Variants in NEK9 observed in about 807,000 individuals in gnomAD.
The protein encoded by NEK9 is serine/threonine-protein kinase Nek9.
NEK9 carries 75 observed loss-of-function variants against 123.4 expected under a neutral mutation model. That is an observed-to-expected ratio of 0.61 (90% CI 0.50 to 0.74). The LOEUF (loss-of-function observed/expected upper bound fraction) is 0.74. Ranked by LOEUF, NEK9 falls within the 30% of genes least tolerant of loss-of-function variation. The pLI, the probability that NEK9 is intolerant of heterozygous loss-of-function variation, is 0.00. For synonymous variants in NEK9, 438 were observed against 458.7 expected, an observed-to-expected ratio of 0.95 and a Z score of 0.58; for missense variants, 952 against 1,214.4, an observed-to-expected ratio of 0.78 and a Z score of 3.21.
intron 1 of NEK9, among the ~76,000 whole-genome samples, chr14:75,126,320 G>A (rs1290710895): frequency 6.6e-6 from 1 of 151,916 alleles, no homozygotes; most frequent in African/African-American, 2.4e-5. Flanking sequence ...CAGCATGAGA[G>A]GAAGGAAGTT....
rs1893890356 is a variant in NEK9, at chr14:75,082,355, C to G, written c.*2209G>C. On this transcript the variant is annotated 3_prime_UTR_variant, in exon 22 of 22. Transcript: ENST00000238616. ...AGAGAATTAGCTACAGAAAACCATTCAAAGGCATTTCTACTGCCTCATCTT... is the reference window on the plus strand; with the variant it reads ...AGAGAATTAGCTACAGAAAACCATTGAAAGGCATTTCTACTGCCTCATCTT... The G allele has an allele frequency of 6.6e-6, 1 of 152,146 alleles. No individual in the cohort carries two copies. Among genetic ancestry groups the G allele is most frequent in the South Asian group, 2.1e-4 (1 of 4,824 alleles). 9.4% of individuals were successfully genotyped at this position (152,146 alleles called of 1,614,324 possible).
intron 8 of NEK9, among the ~76,000 whole-genome samples, chr14:75,111,056 T>A (rs1265158802): frequency 6.6e-6 from 1 of 152,202 alleles, no homozygotes; most frequent in African/African-American, 2.4e-5. Context: ...ATACTAATAT[T>A]GCCAAATAAC....
chr14:75,117,236 T>C lies in NEK9; in HGVS notation c.721A>G (p.Ile241Val). The C allele has an allele frequency of 6.2e-7, 1 of 1,614,058 alleles. No individual in the cohort carries two copies. Among genetic ancestry groups the C allele is most frequent in the Non-Finnish European group, 8.5e-7 (1 of 1,180,006 alleles). ...KSDIWAVGCV[I>V]FELLTLKRTF... ...CTCTTTAAGGTAAGCAGTTCAAAAA[T>C]GACGCAGCCAACTGCCCAGATATCA... Residue 241 changes from isoleucine (I) to valine (V), a missense_variant, in exon 6 of 22, where the codon ATT becomes GTT. Ile to Val is a conservative substitution (Grantham distance 29, BLOSUM62 3). Coordinates refer to ENST00000238616, the MANE Select transcript of NEK9 (RefSeq NM_033116.6).
intron 14 of NEK9, among the ~76,000 whole-genome samples, chr14:75,103,024 C>T (rs1894640166): frequency 6.6e-6 from 1 of 151,132 alleles, no homozygotes; most frequent in African/African-American, 2.4e-5. Context: ...AGGGGAACAT[C>T]ACACACCGGG....
intron 14 of NEK9, 33 bp from the exon 15 acceptor site, chr14:75,101,798 G>A: frequency 1.3e-6 from 2 of 1,487,338 alleles, no homozygotes; most frequent in Non-Finnish European, 1.9e-6. Flanking sequence ...GCAGATGCAT[G>A]AGGTAAGAAA....
At chr14:75,113,849 C>T (rs1036171269) in intron 7 of NEK9, among the ~76,000 whole-genome samples, 20 of 152,108 alleles carry the variant, frequency 1.3e-4, no homozygotes, top group African/African-American at 3.6e-4. Context: ...GCAAGGGAAC[C>T]ATGAGATATG....
In NEK9 at chr14:75,098,119, A is replaced by G. The variant is rs117404695; in HGVS notation, c.2003-849T>C. ...GGATGGAAGCAGGGAGACCAGTTGT[A>G]GTGGAGATGGTGAGAAGTGGTTGGA... On this transcript the variant is annotated intron_variant, in intron 16 of 21. Transcript: ENST00000238616. Among the ~76,000 whole-genome samples, 159 of 152,308 alleles carry G rather than the reference A, an allele frequency of 1.0e-3. 5 individuals carry two copies. In the East Asian group the frequency reaches 0.029, roughly 28 times the overall value.
chr14:75,101,701 A>C lies in NEK9; in HGVS notation c.1796T>G (p.Ile599Ser), dbSNP rs1008256150. 1.2e-6 allele frequency: 2 copies of C among 1,614,028 alleles called. No individual in the cohort carries two copies. Among genetic ancestry groups the C allele is most frequent in the African/African-American group, 1.3e-5 (1 of 74,934 alleles). Reference protein sequence around the residue: ...TLAKQLSFYKIRTIAPGKTHT... With the variant: ...TLAKQLSFYKSRTIAPGKTHT... The stretch of plus-strand genomic sequence containing the variant: ...AGTCTTGCCTGGGGCAATGGTACGG[A>C]TCTTATAAAAGGACAACTGTTTGGC... Residue 599 changes from isoleucine to serine, a missense_variant, in exon 15 of 22, where the codon ATC becomes AGC. Coordinates refer to ENST00000238616, the MANE Select transcript of NEK9 (RefSeq NM_033116.6).
chr14:75,086,457 A>C (rs1894026796), intron 21 of NEK9: 1 of 154,044 alleles, frequency 6.5e-6, no homozygotes, highest in Non-Finnish European at 1.4e-5. Flanking sequence ...GTGGTTGTTC[A>C]GGAGAATGTC....
intron 9 of NEK9, 25 bp from the exon 10 acceptor site, chr14:75,109,902 G>T: frequency 6.4e-7 from 1 of 1,572,290 alleles, no homozygotes; most frequent in South Asian, 1.2e-5. Context: ...CAGAACAAAG[G>T]AACATTTAAC....
Position 75,091,344 on chromosome 14 carries a change from C to T in NEK9, c.2368G>A (p.Gly790Ser), listed in dbSNP as rs915655975. ...ATGGCCTCTGTGGGACTGATTAAAC[C>T]TTCCATTCCTCGGTCTGCTTCCATT... ...GTMEADRGME[G>S]LISPTEAMGN... The change falls in exon 19 of 22, where the codon GGT (glycine) becomes AGT (serine). Residue 790 changes from glycine (G) to serine (S), a missense_variant. Gly to Ser is a moderately conservative substitution (Grantham distance 56, BLOSUM62 0). Transcript: ENST00000238616. The T allele has an allele frequency of 1.2e-6, 2 of 1,614,116 alleles. No homozygotes were observed. The highest frequency in any genetic ancestry group is 3.3e-5 in the Admixed American group (2 of 60,004).
intron 15 of NEK9, 46 bp downstream of exon 15, chr14:75,101,611 G>C (rs1894581558): frequency 7.6e-7 from 1 of 1,312,726 alleles, no homozygotes. Flanking sequence ...TAGAATAAAA[G>C]AGGCTCAGCT....
intron 16 of NEK9, among the ~76,000 whole-genome samples, chr14:75,097,588 G>A (rs888484377): frequency 2.6e-5 from 4 of 152,178 alleles, no homozygotes; most frequent in Non-Finnish European, 4.4e-5. Flanking sequence ...GGGTGATAGA[G>A]CAGTGAACAA....
chr14:75,115,406 C>A (rs149985423), intron 6 of NEK9, among the ~76,000 whole-genome samples: 1 of 152,090 alleles, frequency 6.6e-6, no homozygotes, highest in Non-Finnish European at 1.5e-5. Flanking sequence ...CATGAGCCAC[C>A]GCGCCCAGCC....
intron 21 of NEK9, among the ~76,000 whole-genome samples, chr14:75,085,781 T>C (rs994112059): frequency 1.3e-5 from 2 of 152,186 alleles, no homozygotes; most frequent in African/African-American, 2.4e-5. Context: ...TTCCAGCTAC[T>C]TGGGGGGCTG....
At position 75,083,033 on chromosome 14, in the gene NEK9, C is replaced by G. The variant is rs76776121; in HGVS notation, c.*1531G>C. On this transcript the variant is annotated 3_prime_UTR_variant, in exon 22 of 22. Coordinates refer to ENST00000238616, the MANE Select transcript of NEK9 (RefSeq NM_033116.6). Reference sequence around the variant, plus strand: ...GTTGCCTGTCCCGAGCAATGGGGTTCTCCCCAAGCATCAGCCTTTATGCCA... The same window carrying G: ...GTTGCCTGTCCCGAGCAATGGGGTTGTCCCCAAGCATCAGCCTTTATGCCA... The G allele has an allele frequency of 2.8e-3, 1,111 of 398,608 alleles. 9 individuals are homozygous for G. The highest frequency in any genetic ancestry group is 0.021 in the African/African-American group (1,015 of 48,726). 24.7% of individuals were successfully genotyped at this position (398,608 alleles called of 1,614,324 possible).
Position 75,110,338 on chromosome 14 carries a change from T to C in NEK9, c.972A>G (p.Ala324=). 1 of 1,613,316 alleles carries C rather than the reference T, an allele frequency of 6.2e-7. No homozygotes were observed. The part of the protein sequence containing the change: ...EMEEKVTLLN[A]PTKRPRSSTV... ...AACATTACCTTGGTCTCTTTGTAGGTGCATTAAGCAGAGTGACTTTTTCCT... is the reference window on the plus strand; with the variant it reads ...AACATTACCTTGGTCTCTTTGTAGGCGCATTAAGCAGAGTGACTTTTTCCT... Residue 324 remains alanine (A), a synonymous_variant, in exon 9 of 22, where the codon GCA becomes GCG. Transcript: ENST00000238616.
At position 75,109,753 on chromosome 14, in the gene NEK9, G is replaced by A. The variant is rs377370182; in HGVS notation, c.1114C>T (p.Arg372Trp). The A allele has an allele frequency of 1.5e-5, 25 of 1,614,038 alleles. No individual in the cohort carries two copies. The highest frequency in any genetic ancestry group is 1.6e-4 in the Middle Eastern group (1 of 6,062). ...LDVIKSGCSA[R>W]QVCAGNTHFA... ...TGGGTATTCCCTGCACAGACCTGCC[G>A]GGCACTACAGCCACTCTTGATAACA... The change falls in exon 10 of 22, where the codon CGG becomes TGG. Residue 372 changes from arginine (R) to tryptophan (W), a missense_variant. By Grantham distance (101) the Arg-to-Trp change is moderately radical. Around this residue, in one of 4 missense-constraint regions of NEK9, gnomAD observed 698 missense variants for 875.6 expected, o/e 0.80. Coordinates refer to ENST00000238616, the MANE Select transcript of NEK9 (RefSeq NM_033116.6).
Position 75,106,527 on chromosome 14 carries a change from G to C in NEK9, c.1503C>G (p.Val501=). 6 of 1,614,102 alleles carry C rather than the reference G, an allele frequency of 3.7e-6. No individual in the cohort carries two copies. The highest frequency in any genetic ancestry group is 5.1e-6 in the Non-Finnish European group (6 of 1,180,024). Reference sequence around the variant, plus strand: ...CATATTCGCCACAGCCCCAAGAATAGACTTCCTTGTTTCGTGTCAGAACCA... The same window carrying C: ...CATATTCGCCACAGCCCCAAGAATACACTTCCTTGTTTCGTGTCAGAACCA... ...HVVVLTRNKE[V]YSWGCGEYGR... is the part of the protein sequence containing the mutation. The change falls in exon 12 of 22, where the codon GTC becomes GTG. Residue 501 remains valine, a synonymous_variant. Coordinates refer to ENST00000238616, the MANE Select transcript of NEK9 (RefSeq NM_033116.6).
Sources: gnomAD v4.1 joint callset for allele counts (sites outside exome capture counted in the v4.1 genomes callset) on GRCh38, gnomAD v4.1.1 for gene constraint, gnomAD v4.1.1 regional missense constraint, MANE v1.5 for transcripts, NCBI Gene and HGNC (gene_info 2026-07-23, HGNC 2026-07-21) for gene names.